The following TRPC5 variants were observed in gnomAD, a reference collection of about 807,000 sequenced individuals.
TRPC5 encodes the protein transient receptor potential cation channel subfamily C member 5, also known as short transient receptor potential channel 5.
A neutral mutation model predicts 56.5 loss-of-function variants in TRPC5; 9 were observed. The ratio of observed to expected loss-of-function variants is 0.16; its 90% CI spans 0.10 to 0.28. The LOEUF (loss-of-function observed/expected upper bound fraction) is 0.28, where lower values mean the gene tolerates loss of function less well. Ranked by LOEUF, TRPC5 falls within the 10% of genes least tolerant of loss-of-function variation. The pLI, the probability that TRPC5 is intolerant of heterozygous loss-of-function variation, is 1.00. For missense variants in TRPC5, 469 were observed against 748.9 expected (o/e 0.63, Z 4.36); for synonymous variants, 282 against 278.5 (o/e 1.01, Z -0.13).
At chrX:111,882,529 A>ACAAGGC (rs1339484356) in intron 3 of TRPC5, among the ~76,000 whole-genome samples, 1 of 113,127 alleles carries the variant, frequency 8.8e-6, no homozygotes, top group East Asian at 2.8e-4. Context: ...CTTAATCAAG[A>ACAAGGC]CAAGGCCAAG....
chrX:111,987,804 C>T (rs1928251435), intron 1 of TRPC5, among the ~76,000 whole-genome samples: 3 of 112,584 alleles, frequency 2.7e-5, no homozygotes, highest in South Asian at 3.6e-4. Context: ...CCCCCTCTTA[C>T]TCATGGGAGG....
chrX:111,880,756 A>G (rs775058533), intron 3 of TRPC5, among the ~76,000 whole-genome samples: 1 of 112,479 alleles, frequency 8.9e-6, no homozygotes, highest in South Asian at 3.7e-4. Flanking sequence ...CAAGGTTGGA[A>G]CCAATTACCA....
At chrX:112,008,516 T>C (rs1353876756) in intron 1 of TRPC5, among the ~76,000 whole-genome samples, 1 of 107,632 alleles carries the variant, frequency 9.3e-6, no homozygotes, top group Non-Finnish European at 1.9e-5. Flanking sequence ...AGGAGAATGG[T>C]GTGAACCCGG....
At chrX:111,970,467 A>G (rs1927748380) in intron 1 of TRPC5, among the ~76,000 whole-genome samples, 1 of 111,120 alleles carries the variant, frequency 9.0e-6, no homozygotes. Context: ...GTGCTCTAAA[A>G]CCAGGTCAAG....
chrX:111,884,020 C>G (rs1399929936), intron 3 of TRPC5, among the ~76,000 whole-genome samples: 1 of 112,265 alleles, frequency 8.9e-6, no homozygotes, highest in Non-Finnish European at 1.9e-5. Flanking sequence ...TGTTAGAGCC[C>G]AGTTAAGGCC....
Position 111,782,125 on chromosome X carries a change from A to C in TRPC5, c.1910T>G (p.Ile637Ser), listed in dbSNP as rs989441960. 1 of 1,206,206 alleles carries C rather than the reference A, an allele frequency of 8.3e-7. No individual in the cohort carries two copies. Among genetic ancestry groups the C allele is most frequent in the Non-Finnish European group, 1.1e-6 (1 of 893,302 alleles). ...SYQLIADHAD[I>S]EWKFARTKLW... ...CTTCGTCCTTGCAAACTTCCACTCG[A>C]TATCAGCATGATCCTATGAAAGATA... Residue 637 changes from isoleucine (I) to serine (S), a missense_variant, in exon 8 of 11, where the codon ATC becomes AGC. Transcript: ENST00000262839.
chrX:111,835,521 G>C (rs1922537394), intron 6 of TRPC5, among the ~76,000 whole-genome samples: 1 of 112,034 alleles, frequency 8.9e-6, no homozygotes, highest in African/African-American at 3.2e-5. Flanking sequence ...AGGAGTGGTG[G>C]CTCACGCTTG....
intron 1 of TRPC5, among the ~76,000 whole-genome samples, chrX:112,033,940 ATCTATGAGTTTATT>A (rs1196028720): frequency 5.1e-4 from 57 of 111,915 alleles, no homozygotes; most frequent in African/African-American, 1.8e-3. Context: ...TAGGCCATTG[ATCTATGAGTTTATT>A]TCTGGACTCT....
chrX:111,850,718 A>G (rs1459265180), intron 5 of TRPC5, among the ~76,000 whole-genome samples: 2 of 112,164 alleles, frequency 1.8e-5, no homozygotes, highest in African/African-American at 6.5e-5. Context: ...ATTTATCCTT[A>G]TACTTTGTGA....
intron 7 of TRPC5, among the ~76,000 whole-genome samples, chrX:111,828,636 T>C (rs1033462247): frequency 1.8e-4 from 20 of 111,540 alleles, no homozygotes; most frequent in Admixed American, 5.7e-4. Context: ...GCTTTGGAAC[T>C]GGGCAATGGG....
At chrX:111,940,013 C>A (rs1926722457) in intron 2 of TRPC5, among the ~76,000 whole-genome samples, 1 of 111,653 alleles carries the variant, frequency 9.0e-6, no homozygotes, top group African/African-American at 3.3e-5. Flanking sequence ...TTGATGTAAG[C>A]ACTTATAGCT....
intron 2 of TRPC5, among the ~76,000 whole-genome samples, chrX:111,945,502 G>GACAT (rs199783422): frequency 0.013 from 1,449 of 110,189 alleles, 16 homozygotes; most frequent in Non-Finnish European, 0.019. Context: ...CACACACACC[G>GACAT]ACATACATAG....
At chrX:111,970,331 C>G (rs1399374016) in intron 1 of TRPC5, among the ~76,000 whole-genome samples, 2 of 111,660 alleles carry the variant, frequency 1.8e-5, no homozygotes, top group African/African-American at 6.5e-5. Context: ...TTCTCGGCCC[C>G]AGAGAGTTCT....
At chrX:111,876,483 A>G (rs1000487111) in intron 3 of TRPC5, among the ~76,000 whole-genome samples, 9 of 111,850 alleles carry the variant, frequency 8.0e-5, no homozygotes, top group Non-Finnish European at 1.7e-4. Flanking sequence ...TGTCACTGAT[A>G]TAAACATCGT....
chrX:112,080,717 C>A (rs1226078295), intron 1 of TRPC5, among the ~76,000 whole-genome samples: 1 of 111,975 alleles, frequency 8.9e-6, no homozygotes, highest in Non-Finnish European at 1.9e-5. Context: ...ATTTATATCT[C>A]AGTTTTTAAA....
At chrX:112,004,654 C>T (rs1441274821) in intron 1 of TRPC5, among the ~76,000 whole-genome samples, 2 of 111,367 alleles carry the variant, frequency 1.8e-5, no homozygotes, top group East Asian at 2.8e-4. Context: ...TTCAGCAAGC[C>T]CTCCAGGAAA....
In TRPC5 at chrX:111,917,591, G is replaced by A. The variant is rs745372888; in HGVS notation, c.379-4779C>T. On this transcript the variant is annotated intron_variant, in intron 2 of 10. Transcript: ENST00000262839. ...GAAGTCCCTACTGGGAAAGCAGCAG[G>A]AAATTGTATAACTCCAGCATGAATC... Among the ~76,000 whole-genome samples, 4 of 112,468 alleles carry A rather than the reference G, an allele frequency of 3.6e-5. No individual in the cohort carries two copies. The South Asian group carries it at 1.5e-3, about 42-fold the overall frequency.
intron 3 of TRPC5, among the ~76,000 whole-genome samples, chrX:111,882,929 T>TA (rs1651507071): frequency 9.1e-6 from 1 of 110,375 alleles, no homozygotes; most frequent in East Asian, 2.9e-4. Context: ...CTACCAAAAA[T>TA]AAAAAAATTA....
At chrX:111,911,278 T>TG (rs1925809558) in intron 3 of TRPC5, among the ~76,000 whole-genome samples, 1 of 112,648 alleles carries the variant, frequency 8.9e-6, no homozygotes, top group African/African-American at 3.2e-5. Context: ...GGAAAAGAGA[T>TG]GGAAATGGAC....
Sources: gnomAD v4.1 joint callset for allele counts (sites outside exome capture counted in the v4.1 genomes callset) on GRCh38, gnomAD v4.1.1 for gene constraint, MANE v1.5 for transcripts, NCBI Gene and HGNC (gene_info 2026-07-23, HGNC 2026-07-21) for gene names.